The following ZDHHC21 variants were observed in gnomAD, a reference collection of about 807,000 sequenced individuals.
The protein encoded by ZDHHC21 is palmitoyltransferase ZDHHC21.
A neutral mutation model predicts 34.6 loss-of-function variants in ZDHHC21; 15 were observed. That is an observed-to-expected ratio of 0.43 (90% CI 0.29 to 0.67). ZDHHC21 has a LOEUF of 0.67. Ranked by LOEUF, ZDHHC21 falls within the 30% of genes least tolerant of loss-of-function variation. ZDHHC21 has a pLI of 0.14. For synonymous variants in ZDHHC21, 142 were observed against 101.8 expected, an observed-to-expected ratio of 1.40 and a Z score of -2.38; for missense variants, 344 against 327.7, an observed-to-expected ratio of 1.05 and a Z score of -0.38.
rs146483830 is a variant in ZDHHC21 at position 14,661,983 on chromosome 9, G to A, written c.365+232C>T. Among the ~76,000 whole-genome samples, 40 of 150,810 alleles carry A rather than the reference G, an allele frequency of 2.7e-4. No homozygotes were observed. The East Asian group carries it at 7.7e-3, about 29-fold the overall frequency. On this transcript the variant is annotated intron_variant, in intron 6 of 9. Transcript: ENST00000380916. ...TAATCCTTTTGTATATCAGGCTGCAGTTAATTCTTACTTTTTTGGCTCAAA... is the reference window on the plus strand; with the variant it reads ...TAATCCTTTTGTATATCAGGCTGCAATTAATTCTTACTTTTTTGGCTCAAA...
At position 14,688,291 on chromosome 9, in the gene ZDHHC21, C is replaced by G. The variant is rs912934069; in HGVS notation, c.-176+2046G>C. 2.6e-5 allele frequency among the ~76,000 whole-genome samples: 4 copies of G among 150,956 alleles called. 1 individual carries two copies. Among genetic ancestry groups the G allele is most frequent in the African/African-American group, 9.9e-5 (4 of 40,252 alleles). ...AATGAGAAATTGACTGGCAAAGCAG[C>G]GCCTCCAAAATGCTAACTTTACAGG... On this transcript the variant is annotated intron_variant, in intron 2 of 9. Coordinates refer to ENST00000380916, the MANE Select transcript of ZDHHC21 (RefSeq NM_178566.6).
chr9:14,659,268 T>TA (rs1832926177), intron 6 of ZDHHC21, among the ~76,000 whole-genome samples: 1 of 152,142 alleles, frequency 6.6e-6, no homozygotes, highest in South Asian at 2.1e-4. Flanking sequence ...CTTCCCTGTA[T>TA]TTTGCTCTTC....
At chr9:14,648,202 C>G (rs1352177756) in intron 7 of ZDHHC21, among the ~76,000 whole-genome samples, 3 of 152,106 alleles carry the variant, frequency 2.0e-5, no homozygotes, top group Non-Finnish European at 4.4e-5. Flanking sequence ...TAATAGACCA[C>G]TTGTAAACGC....
intron 8 of ZDHHC21, 108 bp from the exon 9 acceptor site, chr9:14,619,790 T>C: frequency 3.1e-6 from 2 of 639,104 alleles, no homozygotes; most frequent in Non-Finnish European, 4.6e-6. Flanking sequence ...TCTATAGATT[T>C]AAACAGTTTA....
intron 8 of ZDHHC21, among the ~76,000 whole-genome samples, chr9:14,631,835 C>T (rs1429868222): frequency 2.0e-5 from 3 of 152,100 alleles, no homozygotes; most frequent in Admixed American, 6.5e-5. Context: ...GCCATTTATA[C>T]GGGCGCAGTT....
At chr9:14,679,135 C>A (rs62538526) in intron 3 of ZDHHC21, among the ~76,000 whole-genome samples, 6 of 151,814 alleles carry the variant, frequency 4.0e-5, no homozygotes, top group Non-Finnish European at 7.4e-5. Context: ...TGTCATGGTA[C>A]GTAAATTTAC....
intron 1 of ZDHHC21, among the ~76,000 whole-genome samples, chr9:14,691,729 T>A (rs117846758): frequency 3.3e-5 from 5 of 152,364 alleles, no homozygotes; most frequent in African/African-American, 1.2e-4. Context: ...AAGGATCTAA[T>A]AGAATTGTTT....
intron 2 of ZDHHC21, among the ~76,000 whole-genome samples, chr9:14,684,373 T>C (rs1396479598): frequency 6.6e-6 from 1 of 150,928 alleles, no homozygotes; most frequent in African/African-American, 2.4e-5. Flanking sequence ...ACAAAATCAA[T>C]GTGCAAAAAT....
At chr9:14,635,094 A>T (rs893089695) in intron 8 of ZDHHC21, among the ~76,000 whole-genome samples, 7 of 152,202 alleles carry the variant, frequency 4.6e-5, no homozygotes, top group South Asian at 2.1e-4. Flanking sequence ...GAATTTCATT[A>T]CTTGAAGACA....
intron 2 of ZDHHC21, among the ~76,000 whole-genome samples, chr9:14,680,771 T>C (rs967620790): frequency 6.6e-6 from 1 of 152,184 alleles, no homozygotes; most frequent in African/African-American, 2.4e-5. Context: ...AGAGGCTCTA[T>C]CTTCAATGGA....
Position 14,612,877 on chromosome 9 carries a change from C to T in ZDHHC21, c.*6089G>A. 1.2e-5 allele frequency: 1 copy of T among 86,204 alleles called. No individual in the cohort carries two copies. The highest frequency in any genetic ancestry group is 7.2e-5 in the African/African-American group (1 of 13,880). 5.3% of individuals were successfully genotyped at this position (86,204 alleles called of 1,614,324 possible). A position where few individuals can be genotyped will look rare whatever the true frequency, so the allele number is the denominator to read the frequency against. ...ACACACACACACACACACACACACA[C>T]ACACGCTGAACTCGATTTGTAATGA... On this transcript the variant is annotated 3_prime_UTR_variant, in exon 10 of 10. Transcript: ENST00000380916.
chr9:14,669,494 C>T (rs1260220933), intron 5 of ZDHHC21, among the ~76,000 whole-genome samples: 1 of 151,286 alleles, frequency 6.6e-6, no homozygotes, highest in Non-Finnish European at 1.5e-5. Context: ...CCAGCCATCC[C>T]ATTACTGGGT....
rs1018476686 is a variant in ZDHHC21, at chr9:14,613,669, T to C, written c.*5297A>G. On this transcript the variant is annotated 3_prime_UTR_variant, in exon 10 of 10. Coordinates refer to ENST00000380916, the MANE Select transcript of ZDHHC21 (RefSeq NM_178566.6). ...ATGTTACAGATATTCAAAATACCAA[T>C]AGAAATGGAGACCTTCGAGGTATCA... is the stretch of plus-strand genomic sequence containing the variant. 7.9e-5 allele frequency: 12 copies of C among 151,754 alleles called. No homozygotes were observed. The highest frequency in any genetic ancestry group is 2.4e-4 in the African/African-American group (10 of 41,392). 9.4% of individuals were successfully genotyped at this position (151,754 alleles called of 1,614,324 possible). A position where few individuals can be genotyped will look rare whatever the true frequency, so the allele number is the denominator to read the frequency against.
the ZDHHC21 span, among the ~76,000 whole-genome samples, chr9:14,599,823 C>T: frequency 2.6e-5 from 4 of 152,262 alleles, no homozygotes; most frequent in South Asian, 4.2e-4. Flanking sequence ...AAGTGGGCTT[C>T]ATCCCTGGGA....
At chr9:14,682,095 T>A (rs1414163961) in intron 2 of ZDHHC21, among the ~76,000 whole-genome samples, 2 of 152,144 alleles carry the variant, frequency 1.3e-5, no homozygotes, top group Non-Finnish European at 1.5e-5. Context: ...TATGCCAGAC[T>A]GTAAAGACCA....
Position 14,617,878 on chromosome 9 carries a change from T to C in ZDHHC21, c.*1088A>G, listed in dbSNP as rs997271570. 6.6e-6 allele frequency: 1 copy of C among 152,024 alleles called. No individual in the cohort carries two copies. Among genetic ancestry groups the C allele is most frequent in the Non-Finnish European group, 1.5e-5 (1 of 67,934 alleles). 9.4% of individuals were successfully genotyped at this position (152,024 alleles called of 1,614,324 possible). A position where few individuals can be genotyped will look rare whatever the true frequency, so the allele number is the denominator to read the frequency against. On this transcript the variant is annotated 3_prime_UTR_variant, in exon 10 of 10. Coordinates refer to ENST00000380916, the MANE Select transcript of ZDHHC21 (RefSeq NM_178566.6). ...AAATTTAATTTTAATTTAGGGATTA[T>C]AGGTACACAAAGTTAGTGACTTTTT... is the stretch of plus-strand genomic sequence containing the variant.
At chr9:14,642,775 G>T (rs1829597380) in intron 7 of ZDHHC21, among the ~76,000 whole-genome samples, 1 of 152,218 alleles carries the variant, frequency 6.6e-6, no homozygotes, top group Non-Finnish European at 1.5e-5. Flanking sequence ...GTGAGAAAAT[G>T]AATTTCTGTT....
At chr9:14,688,679 T>G (rs1162396237) in intron 2 of ZDHHC21, among the ~76,000 whole-genome samples, 1 of 152,112 alleles carries the variant, frequency 6.6e-6, no homozygotes, top group Non-Finnish European at 1.5e-5. Flanking sequence ...CTGGCCAACG[T>G]CGTGAAACCC....
chr9:14,659,678 T>C (rs1441644065), intron 6 of ZDHHC21, among the ~76,000 whole-genome samples: 3 of 152,222 alleles, frequency 2.0e-5, no homozygotes, highest in Non-Finnish European at 1.5e-5. Flanking sequence ...AAAGAAACGA[T>C]GTAACAGGTT....
Sources: gnomAD v4.1 joint callset for allele counts (sites outside exome capture counted in the v4.1 genomes callset) on GRCh38, gnomAD v4.1.1 for gene constraint, MANE v1.5 for transcripts, NCBI Gene and HGNC (gene_info 2026-07-23, HGNC 2026-07-21) for gene names.